NECTIN3: variants seen among roughly 807,000 people sequenced by gnomAD.
NECTIN3 encodes the protein nectin-3.
Under a neutral mutation model 49.4 loss-of-function variants are expected in NECTIN3, and 8 were observed. That is an observed-to-expected ratio of 0.16 (90% CI 0.10 to 0.29). The LOEUF is 0.29. Among genes scored for constraint, NECTIN3 ranks in the 10% least tolerant of loss-of-function variants. The pLI is 1.00. For synonymous variants in NECTIN3, 277 were observed against 241.1 expected (o/e 1.15, Z -1.38); for missense variants, 581 against 654.6 (o/e 0.89, Z 1.23).
chr3:111,093,205 C>G (rs559375854), intron 1 of NECTIN3, among the ~76,000 whole-genome samples: 2 of 152,278 alleles, frequency 1.3e-5, no homozygotes, highest in Admixed American at 1.3e-4. Flanking sequence ...AATATCTTTT[C>G]AGTCCCCTCT....
intron 1 of NECTIN3, chr3:111,072,382 C>G: frequency 6.7e-7 from 1 of 1,498,126 alleles, no homozygotes; most frequent in African/African-American, 1.4e-5. Flanking sequence ...GCCGGCGGCC[C>G]GCTGCCCTCC....
chr3:111,106,931 A>T (rs1457029477), intron 1 of NECTIN3, among the ~76,000 whole-genome samples: 3 of 152,120 alleles, frequency 2.0e-5, no homozygotes, highest in Non-Finnish European at 4.4e-5. Context: ...GTAGGCTGAG[A>T]AGTGAAATGT....
intron 7 of NECTIN3, among the ~76,000 whole-genome samples, chr3:111,180,723 T>G (rs1300933529): frequency 2.0e-5 from 3 of 152,180 alleles, no homozygotes; most frequent in Non-Finnish European, 2.9e-5. Context: ...CTCTCTAGAT[T>G]AGGAACTCAG....
intron 2 of NECTIN3, 105 bp from the exon 3 acceptor site, chr3:111,118,551 A>G (rs938879044): frequency 6.0e-6 from 6 of 1,002,958 alleles, no homozygotes. Context: ...AGATTTTTAT[A>G]TGCAGTTGTC....
intron 7 of NECTIN3, among the ~76,000 whole-genome samples, chr3:111,166,282 A>G (rs1261263360): frequency 2.0e-5 from 3 of 152,176 alleles, no homozygotes; most frequent in African/African-American, 7.2e-5. Context: ...CATAACTTCA[A>G]GGGGGATGGG....
rs59239398 is a variant in NECTIN3 at position 111,169,375 on chromosome 3, C to CTT, written c.1221+21912_1221+21913dup. ...AAAGTGCTGGGATTACAAACGCAAACTTTTTTTTTTTTTTTTTTTTTTAAG... is the reference window on the plus strand; with the variant it reads ...AAAGTGCTGGGATTACAAACGCAAACTTTTTTTTTTTTTTTTTTTTTTTTAAG... On this transcript the variant is annotated intron_variant, in intron 7 of 8. Transcript: ENST00000493615. Among the ~76,000 whole-genome samples the CTT allele has an allele frequency of 6.7e-4, 77 of 114,550 alleles. No homozygotes were observed. In the East Asian group the frequency reaches 7.2e-3, roughly 11 times the overall value. The allele number at this position is 114,550 out of a possible 152,430, so 75.1% of individuals were successfully genotyped here.
intron 4 of NECTIN3, among the ~76,000 whole-genome samples, chr3:111,125,551 A>G (rs1344554853): frequency 2.6e-5 from 4 of 152,156 alleles, no homozygotes; most frequent in Non-Finnish European, 5.9e-5. Context: ...ATTAGTGTAA[A>G]TACTGTTTTA....
intron 5 of NECTIN3, among the ~76,000 whole-genome samples, chr3:111,126,822 A>T (rs1386807672): frequency 6.6e-6 from 1 of 152,154 alleles, no homozygotes; most frequent in Non-Finnish European, 1.5e-5. Flanking sequence ...GTGAAATAGG[A>T]ATGCTACTGA....
chr3:111,144,500 G>T (rs534295228), intron 5 of NECTIN3, among the ~76,000 whole-genome samples: 5 of 151,722 alleles, frequency 3.3e-5, no homozygotes, highest in African/African-American at 1.2e-4. Context: ...TATTTTAATA[G>T]AATAAAAGTG....
intron 7 of NECTIN3, among the ~76,000 whole-genome samples, chr3:111,148,455 G>A (rs1210075939): frequency 6.6e-6 from 1 of 152,276 alleles, no homozygotes; most frequent in East Asian, 1.9e-4. Flanking sequence ...CAGACCTTTT[G>A]TTCTCACATA....
intron 1 of NECTIN3, among the ~76,000 whole-genome samples, chr3:111,108,351 A>G (rs78989308): frequency 0.026 from 3,980 of 151,538 alleles, 82 homozygotes; most frequent in Middle Eastern, 0.096. Context: ...AGGCTTTCCT[A>G]ACCTAAATGT....
intron 1 of NECTIN3, among the ~76,000 whole-genome samples, chr3:111,080,638 A>G (rs4682232): frequency 0.98 from 148,127 of 150,952 alleles, 72,738 homozygotes; most frequent in East Asian, 1. Context: ...TTACTGTTAC[A>G]GAAGTAAAGT....
intron 7 of NECTIN3, among the ~76,000 whole-genome samples, chr3:111,177,001 G>T (rs914802187): frequency 6.6e-6 from 1 of 151,982 alleles, no homozygotes; most frequent in Admixed American, 6.6e-5. Context: ...GATTTTAGGC[G>T]GCCTTTTCTG....
Position 111,126,167 on chromosome 3 carries a change from T to A in NECTIN3, c.918-17T>A. On this transcript the variant is annotated splice_polypyrimidine_tract_variant and intron_variant, in intron 4 of 5. Coordinates refer to ENST00000485303, the MANE Select transcript of NECTIN3 (RefSeq NM_015480.3). ...TCTGAAGATATTTAAAATAATTTTA[T>A]GCATTTTAAAATCTAGGTTGGATGG... 6.6e-7 allele frequency: 1 copy of A among 1,515,930 alleles called. No individual in the cohort carries two copies. The highest frequency in any genetic ancestry group is 8.8e-7 in the Non-Finnish European group (1 of 1,133,188). 93.9% of individuals were successfully genotyped at this position (1,515,930 alleles called of 1,614,324 possible). A position where few individuals can be genotyped will look rare whatever the true frequency, so the allele number is the denominator to read the frequency against.
At chr3:111,131,253 A>C (rs553190899) in intron 5 of NECTIN3, among the ~76,000 whole-genome samples, 15 of 152,156 alleles carry the variant, frequency 9.9e-5, no homozygotes, top group Admixed American at 9.2e-4. Flanking sequence ...GAGAAGAACT[A>C]TAAAAGTCAT....
intron 7 of NECTIN3, among the ~76,000 whole-genome samples, chr3:111,174,316 C>G (rs145269544): frequency 0.018 from 2,675 of 152,256 alleles, 73 homozygotes; most frequent in African/African-American, 0.06. Context: ...ATTTTGCACT[C>G]AAATCTGAGC....
chr3:111,120,166 A>G (rs773654222), intron 3 of NECTIN3, among the ~76,000 whole-genome samples: 2 of 152,024 alleles, frequency 1.3e-5, no homozygotes, highest in Non-Finnish European at 1.5e-5. Context: ...TCAGATCCCA[A>G]TTGGAAGTTA....
intron 1 of NECTIN3, among the ~76,000 whole-genome samples, chr3:111,089,490 C>T (rs1576082039): frequency 6.6e-6 from 1 of 151,592 alleles, no homozygotes; most frequent in East Asian, 1.9e-4. Context: ...TTAGATATGA[C>T]TTTGACTGCA....
chr3:111,129,472 C>T (rs1006564237), intron 5 of NECTIN3, among the ~76,000 whole-genome samples: 13 of 151,968 alleles, frequency 8.6e-5, no homozygotes, highest in Non-Finnish European at 1.8e-4. Flanking sequence ...ATATGATAGA[C>T]GTTCAATACA....
Sources: gnomAD v4.1 joint callset for allele counts (sites outside exome capture counted in the v4.1 genomes callset) on GRCh38, gnomAD v4.1.1 for gene constraint, MANE v1.5 for transcripts, NCBI Gene and HGNC (gene_info 2026-07-23, HGNC 2026-07-21) for gene names.